Variants in MBTD1 observed in about 807,000 individuals in gnomAD.
The protein encoded by MBTD1 is mbt domain containing 1.
In MBTD1, 24 loss-of-function variants were observed where a neutral mutation model predicts 87.8. The ratio of observed to expected loss-of-function variants is 0.27; its 90% CI spans 0.20 to 0.38. The LOEUF (loss-of-function observed/expected upper bound fraction) is 0.38. Among genes scored for constraint, MBTD1 ranks in the 10% least tolerant of loss-of-function variants. The pLI is 1.00. For missense variants in MBTD1, 436 were observed against 760.2 expected (o/e 0.57, Z 5.02); for synonymous variants, 237 against 248.6 (o/e 0.95, Z 0.44).
In MBTD1 at chr17:51,179,490, A is replaced by ATATATATATATATATATT. The variant is rs2050209252; in HGVS notation, c.*1085_*1086insAATATATATATATATATA. ...AATACAATTAAAGACAATTTTATATATATATATATATATATATATATATAT... is the reference window on the plus strand; with the variant it reads ...AATACAATTAAAGACAATTTTATATATATATATATATATATATTTATATATATATATATATATATATAT... On this transcript the variant is annotated 3_prime_UTR_variant, in exon 17 of 17. Transcript: ENST00000586178. The ATATATATATATATATATT allele has an allele frequency of 6.5e-3, 152 of 23,524 alleles. 13 individuals are homozygous for ATATATATATATATATATT. Among genetic ancestry groups the ATATATATATATATATATT allele is most frequent in the Non-Finnish European group, 0.01 (114 of 11,142 alleles). 1.5% of individuals were successfully genotyped at this position (23,524 alleles called of 1,614,324 possible).
At chr17:51,260,830 G>A (rs779484174), upstream of MBTD1, 4 of 1,597,194 alleles carry the variant, frequency 2.5e-6, no homozygotes, top group Non-Finnish European at 2.6e-6. Flanking sequence ...GGCTGGAGGA[G>A]GACAAACCGG....
In MBTD1 at chr17:51,252,637, G is replaced by T. The variant is rs547501365; in HGVS notation, c.-49+6506C>A. 5.3e-5 allele frequency among the ~76,000 whole-genome samples: 8 copies of T among 152,104 alleles called. No individual in the cohort carries two copies. The East Asian group carries it at 1.5e-3, about 29-fold the overall frequency. On this transcript the variant is annotated intron_variant, in intron 2 of 16. Transcript: ENST00000586178. ...GTAGTCCAGCTACCAGGGAGGCTGA[G>T]GCAGAAGAATCACTTGAACCCGGGA...
intron 6 of MBTD1, among the ~76,000 whole-genome samples, chr17:51,210,757 AAAC>A (rs71149353): frequency 0.37 from 55,816 of 149,350 alleles, 10,500 homozygotes; most frequent in African/African-American, 0.4. Context: ...CTCTGTCTCA[AAAC>A]AACAACAACA....
At chr17:51,250,072 T>A (rs1310098616) in intron 2 of MBTD1, 1 of 150,614 alleles carries the variant, frequency 6.6e-6, no homozygotes, top group African/African-American at 2.4e-5. Flanking sequence ...TTAAACACTT[T>A]TTTTTTTTTT....
chr17:51,222,238 G>A (rs911761481), intron 3 of MBTD1, among the ~76,000 whole-genome samples: 15 of 152,102 alleles, frequency 9.9e-5, no homozygotes, highest in African/African-American at 2.9e-4. Flanking sequence ...TTCAATAAAC[G>A]TTATTTCCTT....
intron 3 of MBTD1, among the ~76,000 whole-genome samples, chr17:51,223,627 G>C (rs2053042997): frequency 6.6e-6 from 1 of 152,114 alleles, no homozygotes; most frequent in African/African-American, 2.4e-5. Context: ...CTTAAGGTCA[G>C]GAGTTTGAGA....
intron 2 of MBTD1, among the ~76,000 whole-genome samples, chr17:51,236,625 T>C (rs1448063757): frequency 3.3e-5 from 5 of 152,158 alleles, no homozygotes; most frequent in Non-Finnish European, 7.4e-5. Flanking sequence ...TGTGGCACAG[T>C]TCAATGGTGT....
chr17:51,259,403 G>A (rs2055310862), intron 1 of MBTD1, among the ~76,000 whole-genome samples, 197 bp from the exon 2 acceptor site: 1 of 151,962 alleles, frequency 6.6e-6, no homozygotes, highest in South Asian at 2.1e-4. Context: ...CTGCCCCCAA[G>A]GCAGATAGAC....
intron 2 of MBTD1, among the ~76,000 whole-genome samples, chr17:51,257,190 C>T (rs1291360162): frequency 6.6e-6 from 1 of 152,138 alleles, no homozygotes; most frequent in East Asian, 1.9e-4. Flanking sequence ...ATTGTAAGTC[C>T]TTTCTCTTTT....
intron 2 of MBTD1, chr17:51,251,304 T>C (rs1277762974): frequency 6.6e-6 from 1 of 152,220 alleles, no homozygotes; most frequent in Non-Finnish European, 1.5e-5. Context: ...TTTCTTTTCC[T>C]GAAGAATTTT....
At chr17:51,260,054 T>G, upstream of MBTD1, 1 of 394,964 alleles carries the variant, frequency 2.5e-6, no homozygotes, top group Non-Finnish European at 4.4e-6. Context: ...AACATTAGCA[T>G]AGCCCTCCCT....
At chr17:51,202,464 AAC>A (rs1311185496) in intron 10 of MBTD1, among the ~76,000 whole-genome samples, 1 of 152,242 alleles carries the variant, frequency 6.6e-6, no homozygotes, top group African/African-American at 2.4e-5. Flanking sequence ...AAAAGAAAGA[AAC>A]AATTATAGTT....
chr17:51,242,227 T>C (rs936919441), intron 2 of MBTD1, among the ~76,000 whole-genome samples: 6 of 152,246 alleles, frequency 3.9e-5, no homozygotes, highest in African/African-American at 1.4e-4. Flanking sequence ...GTGACATATA[T>C]ATACACACAT....
At chr17:51,219,257 T>C (rs755022033) in intron 4 of MBTD1, among the ~76,000 whole-genome samples, 4 of 152,272 alleles carry the variant, frequency 2.6e-5, no homozygotes, top group East Asian at 1.9e-4. Flanking sequence ...AGAGCTGGCA[T>C]AGACTACAAC....
At chr17:51,240,335 C>T (rs1458480826) in intron 2 of MBTD1, among the ~76,000 whole-genome samples, 1 of 152,092 alleles carries the variant, frequency 6.6e-6, no homozygotes, top group Non-Finnish European at 1.5e-5. Flanking sequence ...CTGTTCTTTT[C>T]TCTGTTCCAA....
intron 6 of MBTD1, among the ~76,000 whole-genome samples, chr17:51,214,178 GCTGGCCTCAAACTC>G (rs2052435190): frequency 6.6e-6 from 1 of 152,010 alleles, no homozygotes; most frequent in Non-Finnish European, 1.5e-5. Context: ...TGTTGACCAG[GCTGGCCTCAAACTC>G]CTGGCCTCAA....
At chr17:51,181,802 T>C (rs2050325213) in intron 16 of MBTD1, among the ~76,000 whole-genome samples, 1 of 152,242 alleles carries the variant, frequency 6.6e-6, no homozygotes, top group East Asian at 1.9e-4. Flanking sequence ...GATGACTTAC[T>C]TTTTAACAAA....
Position 51,193,312 on chromosome 17 carries a change from A to G in MBTD1, c.1455+116T>C, listed in dbSNP as rs2050901854. 4.4e-6 allele frequency: 3 copies of G among 687,800 alleles called. No individual in the cohort carries two copies. The Admixed American group carries it at 9.4e-5, about 22-fold the overall frequency. The allele number at this position is 687,800 out of a possible 1,614,324, so 42.6% of individuals were successfully genotyped here. The stretch of plus-strand genomic sequence containing the variant: ...TATTGTTTCATTGCTATATTTGTTT[A>G]TATTATATCTCCACTAAGAAATTCT... On this transcript the variant is annotated intron_variant, in intron 14 of 16. Transcript: ENST00000586178.
intron 6 of MBTD1, among the ~76,000 whole-genome samples, chr17:51,211,282 C>T (rs1308450654): frequency 1.3e-5 from 2 of 151,994 alleles, no homozygotes; most frequent in Middle Eastern, 3.4e-3. Flanking sequence ...TGCTTGTACC[C>T]AGCAGTTTGC....
Sources: allele counts gnomAD v4.1 joint callset (sites outside exome capture counted in the v4.1 genomes callset), GRCh38; gene constraint gnomAD v4.1.1; transcripts MANE v1.5; gene names NCBI Gene and HGNC (gene_info 2026-07-23, HGNC 2026-07-21).